The following LINGO2 variants were observed in gnomAD, a reference collection of about 807,000 sequenced individuals.
LINGO2 encodes leucine-rich repeat and immunoglobulin-like domain-containing nogo receptor-interacting protein 2.
Under a neutral mutation model 30.6 loss-of-function variants are expected in LINGO2, and 14 were observed. That is an observed-to-expected ratio of 0.46 (90% CI 0.30 to 0.72). LINGO2 has a LOEUF of 0.72. Ranked by LOEUF, LINGO2 falls within the 30% of genes least tolerant of loss-of-function variation. The pLI, the probability that LINGO2 is intolerant of heterozygous loss-of-function variation, is 0.07. For synonymous variants in LINGO2, 317 were observed against 288.5 expected (o/e 1.10, Z -1.00); for missense variants, 729 against 751.7 (o/e 0.97, Z 0.35).
At chr9:28,354,632 A>G (rs1275924420) in intron 3 of LINGO2, among the ~76,000 whole-genome samples, 1 of 152,308 alleles carries the variant, frequency 6.6e-6, no homozygotes, top group Non-Finnish European at 1.5e-5. Context: ...TGTTACTTTA[A>G]CTATCCCCAT....
chr9:28,440,100 ACAC>A lies in LINGO2; in HGVS notation c.-279+35837_-279+35839del, dbSNP rs1166773728. On this transcript the variant is annotated intron_variant, in intron 2 of 5. Coordinates refer to ENST00000379992, the Ensembl canonical transcript of LINGO2. ...GGGAATAACTTAATACCTTGTTTTT[ACAC>A]AGTGTCTTGTTTTTACACAGTGACA... 8.3e-3 allele frequency among the ~76,000 whole-genome samples: 1,256 copies of A among 152,240 alleles called. 19 individuals carry two copies. Among genetic ancestry groups the A allele is most frequent in the African/African-American group, 0.027 (1,127 of 41,538 alleles).
At chr9:28,830,896 A>G in the LINGO2 span, among the ~76,000 whole-genome samples, 3 of 151,786 alleles carry the variant, frequency 2.0e-5, no homozygotes, top group Non-Finnish European at 2.9e-5. Flanking sequence ...ACGCACGCAC[A>G]CACACAAACA....
intron 4 of LINGO2, among the ~76,000 whole-genome samples, chr9:28,025,031 C>T (rs1197970821): frequency 1.3e-5 from 2 of 152,204 alleles, no homozygotes; most frequent in Non-Finnish European, 1.5e-5. Context: ...AATCATTTCA[C>T]ATAATGTGAG....
chr9:29,009,389 TACAG>T, the LINGO2 span, among the ~76,000 whole-genome samples: 1 of 151,652 alleles, frequency 6.6e-6, no homozygotes. Context: ...ATACACCAAT[TACAG>T]ACAGACAGCC....
chr9:28,409,557 TA>T (rs1405771311), intron 2 of LINGO2, among the ~76,000 whole-genome samples: 5 of 152,052 alleles, frequency 3.3e-5, no homozygotes, highest in Non-Finnish European at 7.4e-5. Flanking sequence ...AGGAAGACTT[TA>T]ATTTTATATT....
chr9:28,733,533 G>T, the LINGO2 span, among the ~76,000 whole-genome samples: 1 of 152,108 alleles, frequency 6.6e-6, no homozygotes, highest in African/African-American at 2.4e-5. Flanking sequence ...ATAAACGCTA[G>T]TGTGCTTGTC....
chr9:28,904,771 C>T, the LINGO2 span, among the ~76,000 whole-genome samples: 1 of 151,634 alleles, frequency 6.6e-6, no homozygotes, highest in East Asian at 1.9e-4. Context: ...TGCATACTAC[C>T]CAAAGCAATC....
the LINGO2 span, among the ~76,000 whole-genome samples, chr9:29,019,607 T>A: frequency 1.3e-5 from 2 of 152,170 alleles, no homozygotes; most frequent in Non-Finnish European, 2.9e-5. Context: ...TGTCACTTAC[T>A]CTGCTTATTC....
chr9:28,668,195 G>C (rs1563904216), intron 1 of LINGO2, among the ~76,000 whole-genome samples: 2 of 151,998 alleles, frequency 1.3e-5, no homozygotes, highest in Non-Finnish European at 2.9e-5. Flanking sequence ...AAATAATTCA[G>C]TACCCGAGGT....
At chr9:28,014,181 C>T (rs948273721) in intron 4 of LINGO2, among the ~76,000 whole-genome samples, 31 of 152,232 alleles carry the variant, frequency 2.0e-4, no homozygotes, top group Non-Finnish European at 3.7e-4. Flanking sequence ...AGTTGGTGCG[C>T]TCGAGCATTT....
intron 2 of LINGO2, among the ~76,000 whole-genome samples, chr9:28,460,891 T>C (rs766770276): frequency 6.6e-6 from 1 of 152,042 alleles, no homozygotes; most frequent in Non-Finnish European, 1.5e-5. Flanking sequence ...GTCATACAAA[T>C]AGACTAAAAA....
rs1050515467 is a variant in LINGO2, at chr9:28,304,652, T to C, written c.-245-9286A>G. On this transcript the variant is annotated intron_variant, in intron 3 of 5. Coordinates refer to ENST00000379992, the Ensembl canonical transcript of LINGO2. ...TGGAATTATACAGTACACACATTTATATAAGTCTTTTTGTGGATATATGTT... is the reference window on the plus strand; with the variant it reads ...TGGAATTATACAGTACACACATTTACATAAGTCTTTTTGTGGATATATGTT... Among the ~76,000 whole-genome samples, 4 of 152,086 alleles carry C rather than the reference T, an allele frequency of 2.6e-5. No homozygotes were observed. In the East Asian group the frequency reaches 5.8e-4, roughly 22 times the overall value.
intron 1 of LINGO2, among the ~76,000 whole-genome samples, chr9:28,627,559 CATCTT>C (rs1319176496): frequency 1.3e-5 from 2 of 152,012 alleles, no homozygotes; most frequent in Non-Finnish European, 2.9e-5. Flanking sequence ...CTATAGGTCT[CATCTT>C]ATTTCCATTC....
At chr9:28,769,336 C>T in the LINGO2 span, among the ~76,000 whole-genome samples, 1 of 149,292 alleles carries the variant, frequency 6.7e-6, no homozygotes, top group Non-Finnish European at 1.5e-5. Flanking sequence ...CCCCTTAATT[C>T]CTGCATGTTA....
At chr9:29,018,132 T>C in the LINGO2 span, among the ~76,000 whole-genome samples, 5,989 of 148,680 alleles carry the variant, frequency 0.04, 185 homozygotes, top group Admixed American at 0.08. Flanking sequence ...TCATGTTCTT[T>C]GTGGCAATAT....
chr9:29,012,447 A>G, the LINGO2 span, among the ~76,000 whole-genome samples: 1 of 152,184 alleles, frequency 6.6e-6, no homozygotes, highest in South Asian at 2.1e-4. Flanking sequence ...TTGTAAAACC[A>G]AATTTTCAAC....
chr9:28,225,341 T>C (rs992844957), intron 4 of LINGO2, among the ~76,000 whole-genome samples: 3 of 152,170 alleles, frequency 2.0e-5, no homozygotes, highest in Non-Finnish European at 4.4e-5. Context: ...AGTCTGAATA[T>C]TTAAAGAATA....
At chr9:28,811,587 C>A in the LINGO2 span, among the ~76,000 whole-genome samples, 1 of 152,196 alleles carries the variant, frequency 6.6e-6, no homozygotes, top group Non-Finnish European at 1.5e-5. Flanking sequence ...TTCCTTTTAG[C>A]AATACTAGCT....
intron 1 of LINGO2, 89 bp from the exon 4 acceptor site, chr9:28,476,114 T>G (rs545758317): frequency 6.5e-6 from 1 of 152,696 alleles, no homozygotes; most frequent in South Asian, 2.1e-4. Flanking sequence ...CGGTAATAAT[T>G]AACATATATA....
Sources: gnomAD v4.1 joint callset for allele counts (sites outside exome capture counted in the v4.1 genomes callset) on GRCh38, gnomAD v4.1.1 for gene constraint, MANE v1.5 for transcripts, NCBI Gene and HGNC (gene_info 2026-07-23, HGNC 2026-07-21) for gene names.